ERBB4: variants seen among roughly 807,000 people sequenced by gnomAD.
The protein encoded by ERBB4 is receptor tyrosine-protein kinase erbB-4.
A neutral mutation model predicts 158.0 loss-of-function variants in ERBB4; 42 were observed. The ratio of observed to expected loss-of-function variants is 0.27; its 90% CI spans 0.21 to 0.34. ERBB4 has a LOEUF of 0.34. ERBB4 is among the 10% of genes least tolerant of loss of function. The pLI, the probability that ERBB4 is intolerant of heterozygous loss-of-function variation, is 1.00. For missense variants in ERBB4, 1,333 were observed against 1,624.1 expected (o/e 0.82, Z 3.08); for synonymous variants, 583 against 558.7 (o/e 1.04, Z -0.61).
intron 7 of ERBB4, among the ~76,000 whole-genome samples, chr2:211,716,645 C>T (rs1432560288): frequency 6.6e-6 from 1 of 151,796 alleles, no homozygotes; most frequent in East Asian, 1.9e-4. Flanking sequence ...CACTGCATTC[C>T]GGCCTGGGCG....
intron 1 of ERBB4, among the ~76,000 whole-genome samples, chr2:212,144,949 G>A (rs186894496): frequency 3.7e-4 from 56 of 152,254 alleles, no homozygotes; most frequent in Non-Finnish European, 4.0e-4. Flanking sequence ...TTGCCTCTGC[G>A]TGTTTAACAG....
At chr2:211,447,172 T>C (rs927867423) in intron 20 of ERBB4, among the ~76,000 whole-genome samples, 1 of 152,160 alleles carries the variant, frequency 6.6e-6, no homozygotes, top group Admixed American at 6.6e-5. Context: ...TTGGCAAAGT[T>C]GGACTACCTT....
At chr2:212,337,470 T>C (rs1418953076) in intron 1 of ERBB4, among the ~76,000 whole-genome samples, 2 of 152,132 alleles carry the variant, frequency 1.3e-5, no homozygotes, top group African/African-American at 4.8e-5. Context: ...AAATTGTAGA[T>C]GGCACCTGTT....
At chr2:212,234,333 T>G (rs2083775291) in intron 1 of ERBB4, among the ~76,000 whole-genome samples, 1 of 152,178 alleles carries the variant, frequency 6.6e-6, no homozygotes, top group Non-Finnish European at 1.5e-5. Context: ...TATGGCTGCA[T>G]AGTATTCCAT....
At chr2:212,346,539 T>C (rs934302170) in intron 1 of ERBB4, among the ~76,000 whole-genome samples, 1 of 135,358 alleles carries the variant, frequency 7.4e-6, no homozygotes, top group Admixed American at 6.9e-5. Flanking sequence ...ATGTTTTAAA[T>C]GTTTTAATGT....
intron 3 of ERBB4, among the ~76,000 whole-genome samples, chr2:211,937,399 C>T (rs1403515606): frequency 6.6e-6 from 1 of 152,032 alleles, no homozygotes; most frequent in Non-Finnish European, 1.5e-5. Flanking sequence ...TAATTCTTAA[C>T]AGATTTTTCA....
intron 1 of ERBB4, among the ~76,000 whole-genome samples, chr2:212,302,995 G>T (rs1399155896): frequency 6.6e-6 from 1 of 151,374 alleles, no homozygotes; most frequent in Non-Finnish European, 1.5e-5. Flanking sequence ...AGAAGAGAAA[G>T]AAGAGAGGAT....
intron 1 of ERBB4, among the ~76,000 whole-genome samples, chr2:212,317,124 T>C (rs2087321618): frequency 6.6e-6 from 1 of 151,508 alleles, no homozygotes. Flanking sequence ...AATGTCCCAA[T>C]AAAGTATTTC....
At chr2:211,774,586 A>G (rs1227403305) in intron 4 of ERBB4, among the ~76,000 whole-genome samples, 1 of 152,176 alleles carries the variant, frequency 6.6e-6, no homozygotes, top group African/African-American at 2.4e-5. Context: ...GGAACAAGTG[A>G]TTATGCTACT....
At chr2:211,666,784 C>T (rs947442973) in intron 14 of ERBB4, among the ~76,000 whole-genome samples, 4 of 152,156 alleles carry the variant, frequency 2.6e-5, no homozygotes, top group Admixed American at 6.6e-5. Flanking sequence ...TCCCTAAAAT[C>T]TGGCTATGTC....
At chr2:212,384,331 T>A (rs930526368) in intron 1 of ERBB4, among the ~76,000 whole-genome samples, 2 of 151,666 alleles carry the variant, frequency 1.3e-5, no homozygotes, top group Non-Finnish European at 3.0e-5. Flanking sequence ...ACTGCTGGGA[T>A]CACTTCCAGC....
intron 19 of ERBB4, among the ~76,000 whole-genome samples, chr2:211,602,675 T>C (rs1244500784): frequency 6.6e-6 from 1 of 152,158 alleles, no homozygotes; most frequent in Non-Finnish European, 1.5e-5. Context: ...TCACATTAAA[T>C]GTCCCCCTCT....
chr2:212,153,409 C>T (rs2080932707), intron 1 of ERBB4, among the ~76,000 whole-genome samples: 1 of 152,130 alleles, frequency 6.6e-6, no homozygotes. Context: ...AAACATCCTT[C>T]AGTGGCTACT....
At chr2:212,290,667 T>G (rs2106178805) in intron 1 of ERBB4, among the ~76,000 whole-genome samples, 1 of 152,084 alleles carries the variant, frequency 6.6e-6, no homozygotes, top group Non-Finnish European at 1.5e-5. Flanking sequence ...TCTTTTCGTG[T>G]GTGTGTGTGT....
At chr2:211,552,186 G>A (rs183643157) in intron 20 of ERBB4, among the ~76,000 whole-genome samples, 9 of 151,502 alleles carry the variant, frequency 5.9e-5, no homozygotes, top group South Asian at 2.1e-4. Context: ...GGATATTCAA[G>A]GTAATTTGGT....
intron 3 of ERBB4, among the ~76,000 whole-genome samples, chr2:211,799,685 C>T (rs896268980): frequency 5.3e-5 from 8 of 152,122 alleles, no homozygotes; most frequent in East Asian, 1.9e-4. Context: ...CATAGTGCCA[C>T]GTTCATGAGG....
intron 1 of ERBB4, among the ~76,000 whole-genome samples, chr2:212,342,581 T>C (rs2088775118): frequency 6.6e-6 from 1 of 152,164 alleles, no homozygotes; most frequent in South Asian, 2.1e-4. Flanking sequence ...ACAATGATGC[T>C]GGAAGTGTGA....
intron 4 of ERBB4, among the ~76,000 whole-genome samples, chr2:211,783,325 A>G (rs1488597562): frequency 2.6e-5 from 4 of 152,206 alleles, no homozygotes; most frequent in Admixed American, 6.5e-5. Context: ...CGGGACAATT[A>G]GACTTCCTCT....
chr2:211,630,421 A>T (rs201101640), intron 17 of ERBB4, 41 bp downstream of exon 17: 1 of 1,610,924 alleles, frequency 6.2e-7, no homozygotes, highest in East Asian at 2.2e-5. Flanking sequence ...AAACCTGATG[A>T]AAATCCCCAA....
Sources: allele counts gnomAD v4.1 joint callset (sites outside exome capture counted in the v4.1 genomes callset), GRCh38; gene constraint gnomAD v4.1.1; transcripts MANE v1.5; gene names NCBI Gene and HGNC (gene_info 2026-07-23, HGNC 2026-07-21).